The following GALNT13 variants were observed in gnomAD, a reference collection of about 807,000 sequenced individuals.
The protein encoded by GALNT13 is polypeptide N-acetylgalactosaminyltransferase 13, also known as UDP-GalNAc:polypeptide N-acetylgalactosaminyltransferase 13.
In GALNT13, 28 loss-of-function variants were observed where a neutral mutation model predicts 64.2. That is an observed-to-expected ratio of 0.44 (90% CI 0.32 to 0.60). GALNT13 has a LOEUF of 0.60. Ranked by LOEUF, GALNT13 falls within the 20% of genes least tolerant of loss-of-function variation. The pLI, the probability that GALNT13 is intolerant of heterozygous loss-of-function variation, is 0.05. For synonymous variants in GALNT13, 214 were observed against 224.6 expected (o/e 0.95, Z 0.42); for missense variants, 577 against 669.8 (o/e 0.86, Z 1.53).
intron 2 of GALNT13, among the ~76,000 whole-genome samples, 155 bp downstream of exon 2, chr2:153,901,162 C>A (rs933824492): frequency 7.2e-5 from 11 of 151,992 alleles, no homozygotes; most frequent in Non-Finnish European, 1.2e-4. Flanking sequence ...TTTCTGGGGT[C>A]TTTATTCTGT....
intron 3 of GALNT13, among the ~76,000 whole-genome samples, chr2:154,092,111 T>G (rs934466657): frequency 1.1e-4 from 16 of 149,792 alleles, no homozygotes; most frequent in Non-Finnish European, 1.3e-4. Context: ...AGCTATAATT[T>G]AGTTGTGTAC....
At chr2:154,100,611 C>G (rs1702296476) in intron 3 of GALNT13, among the ~76,000 whole-genome samples, 1 of 151,908 alleles carries the variant, frequency 6.6e-6, no homozygotes, top group Non-Finnish European at 1.5e-5. Context: ...TTGGAGGAGT[C>G]TTTTGGGTTT....
At chr2:153,732,102 T>C in the GALNT13 span, among the ~76,000 whole-genome samples, 1 of 151,894 alleles carries the variant, frequency 6.6e-6, no homozygotes, top group African/African-American at 2.4e-5. Context: ...TCTCAGAAAA[T>C]TTATCATTCA....
the GALNT13 span, among the ~76,000 whole-genome samples, chr2:153,199,683 G>T: frequency 6.6e-6 from 1 of 152,098 alleles, no homozygotes; most frequent in Non-Finnish European, 1.5e-5. Context: ...TTAAATATAA[G>T]ATACGATTGG....
At chr2:154,161,768 A>G (rs893602876) in intron 4 of GALNT13, among the ~76,000 whole-genome samples, 3 of 151,310 alleles carry the variant, frequency 2.0e-5, no homozygotes, top group South Asian at 2.1e-4. Flanking sequence ...TGAGCAACAT[A>G]ACAAAATCAA....
the GALNT13 span, among the ~76,000 whole-genome samples, chr2:153,098,519 C>G: frequency 1.3e-5 from 2 of 152,052 alleles, no homozygotes. Context: ...TTTTGCTTTT[C>G]AAAAACTTCA....
At chr2:153,424,627 G>T in the GALNT13 span, among the ~76,000 whole-genome samples, 1 of 151,910 alleles carries the variant, frequency 6.6e-6, no homozygotes, top group Admixed American at 6.6e-5. Flanking sequence ...CCAAGTGTTG[G>T]GAAACCAGGT....
At chr2:154,042,724 TAG>T (rs1327222456) in intron 3 of GALNT13, among the ~76,000 whole-genome samples, 34 of 135,126 alleles carry the variant, frequency 2.5e-4, no homozygotes, top group African/African-American at 9.2e-4. Flanking sequence ...ATATATATAT[TAG>T]GTTTTCATTA....
chr2:154,223,448 C>CTTTTTTTTTTTTTTTTTTT (rs61230257), intron 4 of GALNT13, among the ~76,000 whole-genome samples: 1 of 124,310 alleles, frequency 8.0e-6, no homozygotes, highest in Non-Finnish European at 1.7e-5. Context: ...TTTTCTTTTT[C>CTTTTTTTTTTTTTTTTTTT]TTTTTTTTTT....
intron 3 of GALNT13, among the ~76,000 whole-genome samples, chr2:153,997,130 C>T (rs1159512531): frequency 6.6e-6 from 1 of 151,936 alleles, no homozygotes; most frequent in Non-Finnish European, 1.5e-5. Flanking sequence ...TGTTTTTTTG[C>T]TCAAGATTCC....
At chr2:153,096,062 AATAT>A in the GALNT13 span, among the ~76,000 whole-genome samples, 2 of 139,644 alleles carry the variant, frequency 1.4e-5, no homozygotes, top group African/African-American at 5.5e-5. Flanking sequence ...TAAATAAATA[AATAT>A]AATTAGCTTC....
the GALNT13 span, among the ~76,000 whole-genome samples, chr2:153,266,381 G>A: frequency 4.5e-4 from 68 of 152,262 alleles, 1 homozygote; most frequent in South Asian, 0.013. Context: ...ATGTAAATTC[G>A]TGTTGGAGTG....
intron 3 of GALNT13, among the ~76,000 whole-genome samples, chr2:153,954,130 C>A (rs925627516): frequency 9.2e-5 from 14 of 151,972 alleles, no homozygotes; most frequent in Non-Finnish European, 1.9e-4. Context: ...GGAAGAATTC[C>A]TATGTTTACA....
chr2:153,176,157 AT>A, the GALNT13 span, among the ~76,000 whole-genome samples: 1 of 152,222 alleles, frequency 6.6e-6, no homozygotes. Context: ...TCAGAAACCC[AT>A]GAGAGTAACA....
At chr2:154,055,620 G>C (rs1699858048) in intron 3 of GALNT13, among the ~76,000 whole-genome samples, 1 of 152,090 alleles carries the variant, frequency 6.6e-6, no homozygotes, top group African/African-American at 2.4e-5. Context: ...GGATAGAGAA[G>C]AGATGCTGTT....
rs538563397 is a variant in GALNT13, at chr2:154,256,808, CTGTT to C, written c.858-2210_858-2207del. Among the ~76,000 whole-genome samples, 195 of 152,262 alleles carry C rather than the reference CTGTT, an allele frequency of 1.3e-3. 1 individual carries two copies. The highest frequency in any genetic ancestry group is 5.4e-3 in the South Asian group (26 of 4,834). On this transcript the variant is annotated intron_variant, in intron 7 of 12. Transcript: ENST00000392825. The stretch of plus-strand genomic sequence containing the variant: ...GACTATTCCCCTCTCGTTCAATTGA[CTGTT>C]TGGTTGCTTGGTTTGACATTGTTTA...
the GALNT13 span, among the ~76,000 whole-genome samples, chr2:153,718,310 G>A: frequency 4.8e-4 from 73 of 151,930 alleles, 2 homozygotes; most frequent in East Asian, 0.013. Flanking sequence ...CCAAAGCCAG[G>A]ACACAAAGTA....
chr2:153,725,247 A>T, the GALNT13 span, among the ~76,000 whole-genome samples: 1 of 149,816 alleles, frequency 6.7e-6, no homozygotes, highest in Admixed American at 6.7e-5. Context: ...ATAGGTGGGA[A>T]TTGAACAATG....
intron 3 of GALNT13, among the ~76,000 whole-genome samples, chr2:153,992,298 G>A (rs1695208633): frequency 6.6e-6 from 1 of 152,264 alleles, no homozygotes; most frequent in South Asian, 2.1e-4. Context: ...TTTATAATTA[G>A]TGTGCTAAGA....
Sources: gnomAD v4.1 joint callset for allele counts (sites outside exome capture counted in the v4.1 genomes callset) on GRCh38, gnomAD v4.1.1 for gene constraint, MANE v1.5 for transcripts, NCBI Gene and HGNC (gene_info 2026-07-23, HGNC 2026-07-21) for gene names.